MGMT: variants seen among roughly 807,000 people sequenced by gnomAD.
The protein encoded by MGMT is O-6-methylguanine-DNA methyltransferase, also known as methylated-DNA--protein-cysteine methyltransferase.
Under a neutral mutation model 15.9 loss-of-function variants are expected in MGMT, and 14 were observed. The observed-to-expected ratio is 0.88, with a 90% CI of 0.58 to 1.37. The LOEUF (loss-of-function observed/expected upper bound fraction) is 1.37. Among genes scored for constraint, MGMT ranks in the 40% most tolerant of loss-of-function variants. The probability of loss-of-function intolerance (pLI) is 0.00; values close to 1 mark genes in which losing one functional copy is unlikely to be tolerated. For synonymous variants in MGMT, 130 were observed against 118.2 expected (o/e 1.10, Z -0.65); for missense variants, 282 against 268.1 (o/e 1.05, Z -0.36).
At chr10:129,745,723 T>A (rs892426109) in intron 3 of MGMT, among the ~76,000 whole-genome samples, 4 of 152,224 alleles carry the variant, frequency 2.6e-5, no homozygotes, top group African/African-American at 4.8e-5. Flanking sequence ...GTTGAACATC[T>A]TCTTTTGTGG....
intron 3 of MGMT, among the ~76,000 whole-genome samples, chr10:129,714,084 A>G (rs900624827): frequency 6.6e-6 from 1 of 152,232 alleles, no homozygotes; most frequent in African/African-American, 2.4e-5. Context: ...CCAGCATCCA[A>G]AAGCCTGGTT....
intron 2 of MGMT, among the ~76,000 whole-genome samples, chr10:129,554,331 CT>C (rs1218457042): frequency 6.6e-6 from 1 of 151,592 alleles, no homozygotes; most frequent in Admixed American, 6.6e-5. Flanking sequence ...TTCCTTCTAG[CT>C]TTTTTTTTGT....
intron 2 of MGMT, among the ~76,000 whole-genome samples, chr10:129,580,451 T>TA (rs895237371): frequency 6.6e-6 from 1 of 152,154 alleles, no homozygotes; most frequent in African/African-American, 2.4e-5. Flanking sequence ...AGACAGGACT[T>TA]AAACACGAGG....
At chr10:129,684,880 G>A (rs968676290) in intron 2 of MGMT, among the ~76,000 whole-genome samples, 33 of 152,356 alleles carry the variant, frequency 2.2e-4, no homozygotes, top group African/African-American at 6.5e-4. Flanking sequence ...AGTTCATGGC[G>A]AGAGACATCC....
intron 2 of MGMT, among the ~76,000 whole-genome samples, chr10:129,695,664 G>T (rs1204751264): frequency 6.6e-6 from 1 of 152,216 alleles, no homozygotes; most frequent in Non-Finnish European, 1.5e-5. Context: ...GTACATCTTA[G>T]CCCTGTTGGT....
intron 2 of MGMT, among the ~76,000 whole-genome samples, chr10:129,657,030 G>C (rs989314651): frequency 2.6e-5 from 4 of 152,274 alleles, no homozygotes; most frequent in Admixed American, 2.0e-4. Flanking sequence ...ATGACTGTGA[G>C]TTAGGTGAGC....
chr10:129,512,723 A>G (rs7092329), intron 1 of MGMT, among the ~76,000 whole-genome samples: 1 of 152,198 alleles, frequency 6.6e-6, no homozygotes, highest in Non-Finnish European at 1.5e-5. Context: ...CAGTGCCTTG[A>G]ATATAAGTAT....
At position 129,733,700 on chromosome 10, in the gene MGMT, G is replaced by GT. The variant is rs769498168; in HGVS notation, c.275-25499dup. The stretch of plus-strand genomic sequence containing the variant: ...GGTTTTTTATGGTTTTAGGTCTAAC[G>GT]TTTAAGTCTTTAATCCATCTTGAAT... On this transcript the variant is annotated intron_variant, in intron 3 of 4. Coordinates refer to ENST00000651593, the MANE Select transcript of MGMT (RefSeq NM_002412.5). 3.4e-3 allele frequency among the ~76,000 whole-genome samples: 518 copies of GT among 152,096 alleles called. 4 individuals are homozygous for GT. Among genetic ancestry groups the GT allele is most frequent in the Non-Finnish European group, 4.5e-3 (307 of 67,942 alleles).
intron 2 of MGMT, among the ~76,000 whole-genome samples, chr10:129,680,526 C>A (rs531954064): frequency 6.6e-6 from 1 of 151,938 alleles, no homozygotes; most frequent in East Asian, 1.9e-4. Flanking sequence ...ATGCTCTCCC[C>A]CGGATCTGAA....
chr10:129,748,750 T>A lies in MGMT; in HGVS notation c.275-10452T>A, dbSNP rs538741592. Among the ~76,000 whole-genome samples the A allele has an allele frequency of 4.3e-4, 66 of 152,334 alleles. 1 individual carries two copies. The highest frequency in any genetic ancestry group is 1.5e-3 in the Admixed American group (23 of 15,294). Reference sequence around the variant, plus strand: ...CTAAACATTAGTTCCTATTGATATCTGCAACTCTAATCCATTACCACATGG... The same window carrying A: ...CTAAACATTAGTTCCTATTGATATCAGCAACTCTAATCCATTACCACATGG... On this transcript the variant is annotated intron_variant, in intron 3 of 4. Transcript: ENST00000651593.
chr10:129,698,518 T>C (rs1012463484), intron 2 of MGMT, among the ~76,000 whole-genome samples: 2 of 152,210 alleles, frequency 1.3e-5, no homozygotes, highest in Non-Finnish European at 2.9e-5. Context: ...GCACTTTATT[T>C]CTAAGCAACT....
chr10:129,672,493 T>C (rs1409441987), intron 2 of MGMT, among the ~76,000 whole-genome samples: 9 of 152,222 alleles, frequency 5.9e-5, no homozygotes, highest in Admixed American at 5.2e-4. Flanking sequence ...TACACTTCCC[T>C]GTATCTTCTA....
intron 2 of MGMT, among the ~76,000 whole-genome samples, chr10:129,588,237 C>G (rs910899825): frequency 6.6e-6 from 1 of 152,136 alleles, no homozygotes; most frequent in Non-Finnish European, 1.5e-5. Context: ...CCCTGGGAGT[C>G]TCAGTTGCAG....
chr10:129,553,369 G>C (rs1369398272), intron 2 of MGMT, among the ~76,000 whole-genome samples: 1 of 152,196 alleles, frequency 6.6e-6, no homozygotes, highest in Non-Finnish European at 1.5e-5. Flanking sequence ...TGCTGAAGTA[G>C]ACTTAGGAGC....
At chr10:129,564,416 A>ACCCCTTGCTCCTTCTCTT (rs1362408375) in intron 2 of MGMT, among the ~76,000 whole-genome samples, 1 of 31,316 alleles carries the variant, frequency 3.2e-5, no homozygotes, top group Admixed American at 5.2e-4. Flanking sequence ...TTCCTCCTCT[A>ACCCCTTGCTCCTTCTCTT]CCCCTTGCTC....
At chr10:129,531,844 T>C (rs984097714) in intron 1 of MGMT, among the ~76,000 whole-genome samples, 7 of 151,694 alleles carry the variant, frequency 4.6e-5, no homozygotes, top group African/African-American at 1.5e-4. Context: ...TCAGGTGAAA[T>C]GAGGCAGGGC....
intron 1 of MGMT, among the ~76,000 whole-genome samples, chr10:129,519,609 G>A (rs7906249): frequency 9.9e-5 from 15 of 152,178 alleles, no homozygotes; most frequent in Middle Eastern, 3.2e-3. Flanking sequence ...ACCGGGAGCC[G>A]CTGGAACGTG....
At chr10:129,629,973 G>A (rs893310379) in intron 2 of MGMT, among the ~76,000 whole-genome samples, 1 of 152,208 alleles carries the variant, frequency 6.6e-6, no homozygotes, top group African/African-American at 2.4e-5. Flanking sequence ...CATGTCAGCC[G>A]CCAAGGCCCT....
At chr10:129,741,068 G>A (rs1398716566) in intron 3 of MGMT, among the ~76,000 whole-genome samples, 6 of 152,112 alleles carry the variant, frequency 3.9e-5, no homozygotes, top group Admixed American at 2.6e-4. Context: ...CTGGCCACTG[G>A]GTACCAAGGA....
Sources: gnomAD v4.1 joint callset for allele counts (sites outside exome capture counted in the v4.1 genomes callset) on GRCh38, gnomAD v4.1.1 for gene constraint, MANE v1.5 for transcripts, NCBI Gene and HGNC (gene_info 2026-07-23, HGNC 2026-07-21) for gene names.